The following ESR1 variants were observed in gnomAD, a reference collection of about 807,000 sequenced individuals.
The protein encoded by ESR1 is estrogen receptor.
A neutral mutation model predicts 52.7 loss-of-function variants in ESR1; 12 were observed. The ratio of observed to expected loss-of-function variants is 0.23; its 90% CI spans 0.15 to 0.37. The LOEUF is 0.37. ESR1 is among the 10% of genes least tolerant of loss of function. The pLI is 1.00. For missense variants in ESR1, 584 were observed against 779.7 expected (o/e 0.75, Z 2.99); for synonymous variants, 305 against 316.8 (o/e 0.96, Z 0.39).
intron 1 of ESR1, among the ~76,000 whole-genome samples, chr6:151,833,202 G>C (rs1782736430): frequency 6.6e-6 from 1 of 152,176 alleles, no homozygotes; most frequent in East Asian, 1.9e-4. Context: ...GAAGGGTAGG[G>C]CTGGAGAGGC....
At chr6:152,043,096 G>A (rs1217515246) in intron 5 of ESR1, among the ~76,000 whole-genome samples, 5 of 152,026 alleles carry the variant, frequency 3.3e-5, no homozygotes, top group Non-Finnish European at 5.9e-5. Flanking sequence ...CTCCCAGCTG[G>A]GATGAGTAGG....
chr6:151,832,122 T>G (rs929960476), intron 1 of ESR1, among the ~76,000 whole-genome samples: 8 of 152,198 alleles, frequency 5.3e-5, no homozygotes, highest in African/African-American at 1.9e-4. Flanking sequence ...ATGAGATAGA[T>G]GTATTAAGTT....
intron 1 of ESR1, among the ~76,000 whole-genome samples, chr6:151,657,591 T>C (rs1170192991): frequency 6.6e-6 from 1 of 152,204 alleles, no homozygotes; most frequent in Non-Finnish European, 1.5e-5. Flanking sequence ...GGGTGAAATT[T>C]TCCATATCAC....
intron 4 of ESR1, 92 bp downstream of exon 4, chr6:151,944,600 A>G: frequency 8.9e-7 from 1 of 1,121,694 alleles, no homozygotes; most frequent in Non-Finnish European, 1.3e-6. Context: ...AAAAGAAGCA[A>G]TAACATGTTA....
intron 2 of ESR1, among the ~76,000 whole-genome samples, chr6:151,858,256 C>G (rs1397508431): frequency 6.6e-6 from 1 of 152,148 alleles, no homozygotes; most frequent in Non-Finnish European, 1.5e-5. Flanking sequence ...AGAGGAAAGC[C>G]TGTGTTGATA....
In ESR1 at chr6:152,098,697, CT is replaced by C. The variant is rs2050836383; in HGVS notation, c.1554-34del. The C allele has an allele frequency of 2.5e-6, 4 of 1,584,422 alleles. No homozygotes were observed. The highest frequency in any genetic ancestry group is 2.6e-6 in the Non-Finnish European group (3 of 1,154,958). On this transcript the variant is annotated intron_variant, in intron 7 of 7. Transcript: ENST00000206249. This position sits in a 1 kb window ranked among gnomAD's most constrained non-coding sequence, Gnocchi z 5.1. Reference sequence around the variant, plus strand: ...AGCACTCCTGGGGCTCGGGTTGGCTCTAAAGTAGTCCTTTCTGTGTCTTCCC... The same window carrying C: ...AGCACTCCTGGGGCTCGGGTTGGCTCAAAGTAGTCCTTTCTGTGTCTTCCC...
intron 2 of ESR1, among the ~76,000 whole-genome samples, chr6:151,779,758 A>C (rs1466269778): frequency 6.6e-6 from 1 of 152,002 alleles, no homozygotes; most frequent in Non-Finnish European, 1.5e-5. Flanking sequence ...ACAATAGCAA[A>C]GACTTGGAAC....
At chr6:152,064,832 T>A (rs2047837820) in intron 6 of ESR1, among the ~76,000 whole-genome samples, 1 of 152,220 alleles carries the variant, frequency 6.6e-6, no homozygotes, top group South Asian at 2.1e-4. Flanking sequence ...TGGAAAGTCC[T>A]CATTTTTCCC....
Position 152,094,125 on chromosome 6 carries a change from G to A in ESR1, c.1370-260G>A, listed in dbSNP as rs117980779. On this transcript the variant is annotated intron_variant, in intron 6 of 7. Transcript: ENST00000206249. The surrounding 1 kb of genome is among the most constrained non-coding windows in gnomAD (Gnocchi z 4.6). ...AAGGTGGCCCATGTTACCATGACAG[G>A]CCCCAAGGCTAACAGCCCCTTTCTG... is the stretch of plus-strand genomic sequence containing the variant. 1.7e-4 allele frequency among the ~76,000 whole-genome samples: 26 copies of A among 152,300 alleles called. No individual in the cohort carries two copies. The East Asian group carries it at 4.2e-3, about 25-fold the overall frequency.
rs137955056 is a variant in ESR1 at position 152,111,129 on chromosome 6, G to A, written c.851-14137G>A. Reference sequence around the variant, plus strand: ...TCTGGGGCAGGCTCACCCTCCCCCCGTTGCCACAAGACCATCTCATGGCCC... The same window carrying A: ...TCTGGGGCAGGCTCACCCTCCCCCCATTGCCACAAGACCATCTCATGGCCC... On this transcript the variant is annotated intron_variant, in intron 6 of 6. Coordinates refer to the ESR1 transcript ENST00000427531. Among the ~76,000 whole-genome samples the A allele has an allele frequency of 1.4e-3, 209 of 152,230 alleles. 3 individuals carry two copies. The highest frequency in any genetic ancestry group is 4.5e-3 in the African/African-American group (187 of 41,552).
At chr6:151,927,018 C>A (rs1406466995) in intron 3 of ESR1, among the ~76,000 whole-genome samples, 2 of 152,002 alleles carry the variant, frequency 1.3e-5, no homozygotes, top group Non-Finnish European at 2.9e-5. Flanking sequence ...GAGGAAATTT[C>A]TGTCTATTCT....
intron 1 of ESR1, among the ~76,000 whole-genome samples, chr6:151,657,211 T>G (rs1777485123): frequency 6.6e-6 from 1 of 152,202 alleles, no homozygotes; most frequent in Admixed American, 6.5e-5. Flanking sequence ...AAATTTAATG[T>G]GTGGGAATTT....
At chr6:151,724,953 C>T (rs17081624) in intron 2 of ESR1, among the ~76,000 whole-genome samples, 4,546 of 152,170 alleles carry the variant, frequency 0.03, 217 homozygotes, top group African/African-American at 0.1. Context: ...TTAAGAGTTA[C>T]GTTTCTGAAT....
chr6:151,901,330 G>A (rs1796659718), intron 3 of ESR1, among the ~76,000 whole-genome samples: 1 of 152,196 alleles, frequency 6.6e-6, no homozygotes, highest in South Asian at 2.1e-4. Flanking sequence ...GGCAGCGGAT[G>A]AGCAAGGCTA....
At chr6:151,665,581 A>ACCACT in intron 1 of ESR1, among the ~76,000 whole-genome samples, 1 of 151,346 alleles carries the variant, frequency 6.6e-6, no homozygotes, top group Non-Finnish European at 1.5e-5. Context: ...TTTTCTCTCC[A>ACCACT]CCACTCCACT....
At chr6:151,692,317 G>A (rs1168101883) in intron 1 of ESR1, among the ~76,000 whole-genome samples, 10 of 152,130 alleles carry the variant, frequency 6.6e-5, no homozygotes, top group African/African-American at 2.4e-4. Flanking sequence ...TTTTCACATG[G>A]TTATCTGCAG....
chr6:151,842,830 G>A (rs780284666), intron 2 of ESR1, 43 bp downstream of exon 2: 3 of 1,579,438 alleles, frequency 1.9e-6, no homozygotes, highest in Admixed American at 3.3e-5. Context: ...GATCCTATGA[G>A]CAGATCCTAA....
At chr6:151,941,159 A>G (rs1486627029) in intron 3 of ESR1, among the ~76,000 whole-genome samples, 1 of 152,136 alleles carries the variant, frequency 6.6e-6, no homozygotes, top group East Asian at 1.9e-4. Context: ...TAATTTGGTT[A>G]CTCTTGATTT....
chr6:151,693,173 G>A (rs1231992934), intron 1 of ESR1, among the ~76,000 whole-genome samples: 1 of 152,164 alleles, frequency 6.6e-6, no homozygotes, highest in East Asian at 1.9e-4. Context: ...CAGTTTCCAA[G>A]CATTAGAAAC....
Sources: gnomAD v4.1 joint callset for allele counts (sites outside exome capture counted in the v4.1 genomes callset) on GRCh38, gnomAD v4.1.1 for gene constraint, Gnocchi (gnomAD v3.1) non-coding constraint, MANE v1.5 for transcripts, NCBI Gene and HGNC (gene_info 2026-07-23, HGNC 2026-07-21) for gene names.